CRIM1: variants seen among roughly 807,000 people sequenced by gnomAD.
The protein encoded by CRIM1 is cysteine rich transmembrane BMP regulator 1.
CRIM1 carries 32 observed loss-of-function variants against 116.4 expected under a neutral mutation model. That is an observed-to-expected ratio of 0.27 (90% confidence interval 0.21 to 0.37). The LOEUF (loss-of-function observed/expected upper bound fraction) is 0.37. Among genes scored for constraint, CRIM1 ranks in the 10% least tolerant of loss-of-function variants. The pLI, the probability that CRIM1 is intolerant of heterozygous loss-of-function variation, is 1.00. For missense variants in CRIM1, 1,331 were observed against 1,354.8 expected, an observed-to-expected ratio of 0.98 and a Z score of 0.28; for synonymous variants, 590 against 509.2, an observed-to-expected ratio of 1.16 and a Z score of -2.13.
chr2:36,426,759 G>C (rs1053327539), intron 2 of CRIM1, among the ~76,000 whole-genome samples: 11 of 152,180 alleles, frequency 7.2e-5, no homozygotes, highest in Admixed American at 6.5e-4. Flanking sequence ...CTCCCACAAG[G>C]CTCCTTTTTT....
intron 2 of CRIM1, among the ~76,000 whole-genome samples, chr2:36,431,806 C>G (rs1052046348): frequency 6.6e-6 from 1 of 152,300 alleles, no homozygotes; most frequent in Non-Finnish European, 1.5e-5. Flanking sequence ...AGGGCCAGCC[C>G]CTCATTTTAC....
intron 5 of CRIM1, among the ~76,000 whole-genome samples, chr2:36,474,082 TC>T: frequency 6.6e-6 from 1 of 152,302 alleles, no homozygotes; most frequent in African/African-American, 2.4e-5. Flanking sequence ...AGATTTGAAT[TC>T]CCCGAGTGAC....
chr2:36,368,618 C>T (rs1223710217), intron 1 of CRIM1, among the ~76,000 whole-genome samples: 8 of 152,150 alleles, frequency 5.3e-5, no homozygotes, highest in Non-Finnish European at 8.8e-5. Context: ...GAATGAGGTA[C>T]TAGTTAATTC....
At position 36,507,180 on chromosome 2, in the gene CRIM1, T is replaced by C. The variant is rs572433658; in HGVS notation, c.1502-2803T>C. On this transcript the variant is annotated intron_variant, in intron 8 of 16. Coordinates refer to ENST00000280527, the MANE Select transcript of CRIM1 (RefSeq NM_016441.3). ...TCAGTCTCCTCTTTATTTAAATGTT[T>C]GCTATGATGATGCATTTCTCTTAAG... 2.8e-4 allele frequency among the ~76,000 whole-genome samples: 43 copies of C among 152,322 alleles called. 1 individual carries two copies. In the South Asian group the frequency reaches 8.7e-3, roughly 31 times the overall value.
At chr2:36,410,560 T>G (rs936681365) in intron 2 of CRIM1, among the ~76,000 whole-genome samples, 3 of 152,116 alleles carry the variant, frequency 2.0e-5, no homozygotes, top group African/African-American at 7.2e-5. Context: ...TTTTTTCTCT[T>G]TAAAATGTGT....
intron 4 of CRIM1, among the ~76,000 whole-genome samples, chr2:36,448,932 A>G (rs142474505): frequency 1.3e-3 from 197 of 152,256 alleles, no homozygotes; most frequent in African/African-American, 4.5e-3. Context: ...ATACTCTTCC[A>G]GAACCTATAT....
At chr2:36,485,871 T>A (rs1171021124) in intron 7 of CRIM1, among the ~76,000 whole-genome samples, 1 of 152,212 alleles carries the variant, frequency 6.6e-6, no homozygotes, top group Non-Finnish European at 1.5e-5. Flanking sequence ...AGGCATGTGT[T>A]TTATCCTTTA....
intron 8 of CRIM1, among the ~76,000 whole-genome samples, chr2:36,509,276 G>C (rs1681642493): frequency 6.6e-6 from 1 of 152,154 alleles, no homozygotes. Flanking sequence ...CCAGCACTTG[G>C]GAAGCTGACA....
Position 36,549,025 on chromosome 2 carries a change from T to C in CRIM1, c.*324T>C, listed in dbSNP as rs764306471. The C allele has an allele frequency of 5.8e-6, 1 of 173,442 alleles. No individual in the cohort carries two copies. The highest frequency in any genetic ancestry group is 1.5e-4 in the East Asian group (1 of 6,528). 10.7% of individuals were successfully genotyped at this position (173,442 alleles called of 1,614,324 possible). On this transcript the variant is annotated 3_prime_UTR_variant, in exon 17 of 17. Transcript: ENST00000280527. ...GGGGAAATGGGTGGGAGGGTGGTGT[T>C]GGGAAGAAAAATTGGTCAGCTTGGC... is the stretch of plus-strand genomic sequence containing the variant.
chr2:36,360,836 A>T (rs1669179488), intron 1 of CRIM1, among the ~76,000 whole-genome samples: 1 of 152,186 alleles, frequency 6.6e-6, no homozygotes. Flanking sequence ...GGGGCAAAAT[A>T]TCAGCTTCTA....
Position 36,441,346 on chromosome 2 carries a change from T to G in CRIM1, c.594T>G (p.Ala198=). ...PEDSVLIEGY[A]PPGECCPLPS... ...ATTCTGTTCTGATCGAGGGTTATGC[T>G]CCTCCTGGGGAGTGCTGTCCCTTAC... Residue 198 remains alanine, a synonymous_variant, in exon 3 of 17, where the codon GCT becomes GCG. Coordinates refer to ENST00000280527, the MANE Select transcript of CRIM1 (RefSeq NM_016441.3). The G allele has an allele frequency of 6.2e-7, 1 of 1,614,182 alleles. No homozygotes were observed. The highest frequency in any genetic ancestry group is 8.5e-7 in the Non-Finnish European group (1 of 1,180,024).
rs562931070 is a variant in CRIM1 at position 36,442,274 on chromosome 2, C to T, written c.749-341C>T. ...TTTTTTTTTTTAACTGCTAGATAAACGCTCCAAGCAAAGTGATCCTTTGTC... is the reference window on the plus strand; with the variant it reads ...TTTTTTTTTTTAACTGCTAGATAAATGCTCCAAGCAAAGTGATCCTTTGTC... On this transcript the variant is annotated intron_variant, in intron 3 of 16. Transcript: ENST00000280527. Among the ~76,000 whole-genome samples the T allele has an allele frequency of 1.4e-3, 206 of 151,056 alleles. 2 individuals are homozygous for T. The highest frequency in any genetic ancestry group is 2.0e-3 in the Non-Finnish European group (139 of 67,826).
Position 36,544,211 on chromosome 2 carries a change from G to A in CRIM1, c.2624-165G>A, listed in dbSNP as rs72868419. 3.2e-3 allele frequency among the ~76,000 whole-genome samples: 492 copies of A among 152,292 alleles called. 1 individual carries two copies. The highest frequency in any genetic ancestry group is 0.011 in the African/African-American group (471 of 41,542). The stretch of plus-strand genomic sequence containing the variant: ...CATGTTTCTCCTCACTGCAAAGCTC[G>A]TGATTCTCTAGCATGAGTGATGAAT... On this transcript the variant is annotated intron_variant, in intron 14 of 16. Coordinates refer to ENST00000280527, the MANE Select transcript of CRIM1 (RefSeq NM_016441.3).
intron 15 of CRIM1, 64 bp from the exon 16 acceptor site, chr2:36,546,920 C>A: frequency 2.1e-6 from 2 of 962,832 alleles, no homozygotes; most frequent in South Asian, 1.6e-5. Flanking sequence ...TTTGCAATGT[C>A]ATTAAAATAA....
At chr2:36,371,087 G>A (rs1160272181) in intron 1 of CRIM1, among the ~76,000 whole-genome samples, 1 of 152,184 alleles carries the variant, frequency 6.6e-6, no homozygotes, top group East Asian at 1.9e-4. Context: ...GACTTGGCCA[G>A]CAACTAAGGC....
At chr2:36,474,847 C>CAAAAAAAAAAAAAAAAAAAAAAAAAAAA (rs56084308) in intron 5 of CRIM1, among the ~76,000 whole-genome samples, 1 of 90,742 alleles carries the variant, frequency 1.1e-5, no homozygotes, top group African/African-American at 4.4e-5. Flanking sequence ...GACTCTATAT[C>CAAAAAAAAAAAAAAAAAAAAAAAAAAAA]AAAAAAAAAA....
At chr2:36,470,503 G>C (rs181289693) in intron 5 of CRIM1, among the ~76,000 whole-genome samples, 7 of 152,100 alleles carry the variant, frequency 4.6e-5, no homozygotes, top group Admixed American at 1.3e-4. Context: ...TAAACCCCAC[G>C]GCTGTTAAGA....
intron 7 of CRIM1, among the ~76,000 whole-genome samples, chr2:36,484,803 G>C (rs752508791): frequency 4.6e-5 from 7 of 152,110 alleles, no homozygotes; most frequent in African/African-American, 1.7e-4. Context: ...GAACAACTTA[G>C]GTAATATTTT....
Position 36,464,665 on chromosome 2 carries a change from G to A in CRIM1, c.991+10G>A, listed in dbSNP as rs776295860. Reference sequence around the variant, plus strand: ...TTTGAATGTGTTAATGGTACGTGGGGTTTCTCTTGTTCTCAGAGAGTGTAC... The same window carrying A: ...TTTGAATGTGTTAATGGTACGTGGGATTTCTCTTGTTCTCAGAGAGTGTAC... On this transcript the variant is annotated intron_variant, in intron 5 of 16. Transcript: ENST00000280527. The A allele has an allele frequency of 3.3e-5, 54 of 1,613,680 alleles. No homozygotes were observed. The South Asian group carries it at 5.7e-4, about 17-fold the overall frequency.
Sources: allele counts gnomAD v4.1 joint callset (sites outside exome capture counted in the v4.1 genomes callset), GRCh38; gene constraint gnomAD v4.1.1; transcripts MANE v1.5; gene names NCBI Gene and HGNC (gene_info 2026-07-23, HGNC 2026-07-21).